Variants in ADGRV1 observed in about 807,000 individuals in gnomAD.
The protein encoded by ADGRV1 is G-protein coupled receptor 98.
A neutral mutation model predicts 596.2 loss-of-function variants in ADGRV1; 359 were observed. The ratio of observed to expected loss-of-function variants is 0.60; its 90% CI spans 0.55 to 0.66. ADGRV1 has a LOEUF of 0.66. ADGRV1 is among the 30% of genes least tolerant of loss of function. The probability of loss-of-function intolerance (pLI) is 0.00; values close to 1 mark genes in which losing one functional copy is unlikely to be tolerated. For missense variants in ADGRV1, 7,274 were observed against 7,575.6 expected, an observed-to-expected ratio of 0.96 and a Z score of 1.48; for synonymous variants, 2,681 against 2,679.2, an observed-to-expected ratio of 1.00 and a Z score of -0.02.
At chr5:90,630,698 T>C (rs1765389375) in intron 9 of ADGRV1, among the ~76,000 whole-genome samples, 1 of 152,222 alleles carries the variant, frequency 6.6e-6, no homozygotes, top group Non-Finnish European at 1.5e-5. Context: ...ACTAATTTCT[T>C]TGAATCATGC....
chr5:90,722,203 G>A (rs1751133869), intron 45 of ADGRV1, among the ~76,000 whole-genome samples: 1 of 152,086 alleles, frequency 6.6e-6, no homozygotes, highest in African/African-American at 2.4e-5. Context: ...CTTAGACTAG[G>A]TGTTGAGTAT....
At chr5:90,603,217 C>A (rs1169319727) in intron 1 of ADGRV1, among the ~76,000 whole-genome samples, 1 of 152,186 alleles carries the variant, frequency 6.6e-6, no homozygotes, top group African/African-American at 2.4e-5. Context: ...TCAGAAGCCC[C>A]AACATTTTGT....
intron 87 of ADGRV1, among the ~76,000 whole-genome samples, chr5:91,139,160 G>A (rs1219240537): frequency 6.6e-6 from 1 of 152,224 alleles, no homozygotes; most frequent in African/African-American, 2.4e-5. Context: ...GCACATTTCT[G>A]TAAGAGTCTA....
intron 78 of ADGRV1, 72 bp downstream of exon 78, chr5:90,841,057 A>G (rs1765384455): frequency 9.8e-7 from 1 of 1,021,426 alleles, no homozygotes; most frequent in African/African-American, 1.6e-5. Flanking sequence ...TAAAACCAAA[A>G]TCACATTCTC....
intron 60 of ADGRV1, among the ~76,000 whole-genome samples, chr5:90,775,758 A>G (rs1758159210): frequency 6.6e-6 from 1 of 152,102 alleles, no homozygotes; most frequent in Non-Finnish European, 1.5e-5. Flanking sequence ...GATTACAGGT[A>G]TGATCCACTG....
chr5:90,653,032 T>C (rs1397854809), intron 19 of ADGRV1, among the ~76,000 whole-genome samples, 177 bp from the exon 20 acceptor site: 1 of 152,254 alleles, frequency 6.6e-6, no homozygotes, highest in Non-Finnish European at 1.5e-5. Context: ...GAACAAATAT[T>C]ATTTCATATC....
intron 43 of ADGRV1, 60 bp from the exon 44 acceptor site, chr5:90,719,988 T>C: frequency 7.6e-7 from 1 of 1,319,604 alleles, no homozygotes; most frequent in Non-Finnish European, 1.1e-6. Flanking sequence ...TAGATTTCGC[T>C]ATATATGTGT....
intron 59 of ADGRV1, among the ~76,000 whole-genome samples, chr5:90,773,535 C>A (rs564458812): frequency 6.6e-6 from 1 of 152,134 alleles, no homozygotes; most frequent in South Asian, 2.1e-4. Context: ...ATAGATTCAG[C>A]AAGAAACAAG....
chr5:90,820,754 T>A (rs1037431449), intron 75 of ADGRV1, among the ~76,000 whole-genome samples: 31 of 151,882 alleles, frequency 2.0e-4, no homozygotes, highest in Admixed American at 8.5e-4. Flanking sequence ...CCCACTCTCT[T>A]CTGGCTTGTA....
intron 45 of ADGRV1, 21 bp from the exon 46 acceptor site, chr5:90,724,811 A>G: frequency 1.2e-6 from 2 of 1,610,422 alleles, no homozygotes; most frequent in Non-Finnish European, 1.7e-6. Flanking sequence ...AAACTAGTAA[A>G]CCATGATTTG....
chr5:91,030,137 A>G (rs976744513), intron 85 of ADGRV1, among the ~76,000 whole-genome samples: 1 of 152,104 alleles, frequency 6.6e-6, no homozygotes, highest in African/African-American at 2.4e-5. Context: ...CACCAACACC[A>G]TACTCTTTTA....
intron 85 of ADGRV1, among the ~76,000 whole-genome samples, chr5:91,053,842 A>G (rs541216514): frequency 1.7e-4 from 26 of 152,214 alleles, no homozygotes; most frequent in Non-Finnish European, 3.7e-4. Flanking sequence ...CCAGCTCAGG[A>G]AGCATGTCTT....
intron 43 of ADGRV1, 141 bp from the exon 44 acceptor site, chr5:90,719,907 A>G: frequency 3.0e-6 from 2 of 660,246 alleles, no homozygotes; most frequent in Admixed American, 5.3e-5. Flanking sequence ...ATCACATTAT[A>G]GGAATCAGTA....
chr5:90,724,316 G>A (rs928841027), intron 45 of ADGRV1, among the ~76,000 whole-genome samples: 2 of 152,048 alleles, frequency 1.3e-5, no homozygotes, highest in Admixed American at 6.6e-5. Context: ...TACAACCTCC[G>A]CCTCCCGGGT....
intron 15 of ADGRV1, 87 bp downstream of exon 15, chr5:90,644,956 AT>A: frequency 2.1e-6 from 2 of 954,450 alleles, no homozygotes; most frequent in East Asian, 5.7e-5. Context: ...CTGGTAATAT[AT>A]TTTGTGATAA....
At position 90,778,883 on chromosome 5, in the gene ADGRV1, C is replaced by T. The variant is rs775861115; in HGVS notation, c.12868C>T (p.Arg4290Cys). Residue 4290 changes from arginine (R) to cysteine (C), a missense_variant, in exon 64 of 90, where the codon CGT (arginine) becomes TGT (cysteine). Coordinates refer to ENST00000405460, the MANE Select transcript of ADGRV1 (RefSeq NM_032119.4). ...TGCATAGGTTAACATCACAATCATCCGTTCCAGTGGAGATTTTGGCCATGT... is the reference window on the plus strand; with the variant it reads ...TGCATAGGTTAACATCACAATCATCTGTTCCAGTGGAGATTTTGGCCATGT... Reference protein sequence around the residue: ...EAQRVNITIIRSSGDFGHVRL... With the variant: ...EAQRVNITIICSSGDFGHVRL... The T allele has an allele frequency of 6.2e-6, 10 of 1,611,376 alleles. No homozygotes were observed. The highest frequency in any genetic ancestry group is 1.3e-5 in the African/African-American group (1 of 74,830).
intron 85 of ADGRV1, among the ~76,000 whole-genome samples, chr5:91,035,490 A>T (rs1430896873): frequency 6.6e-6 from 1 of 152,134 alleles, no homozygotes; most frequent in Admixed American, 6.5e-5. Flanking sequence ...ATGCTTTGAT[A>T]TTACTAACTT....
chr5:90,930,328 A>G (rs1360859169), intron 83 of ADGRV1, among the ~76,000 whole-genome samples: 1 of 152,186 alleles, frequency 6.6e-6, no homozygotes, highest in Non-Finnish European at 1.5e-5. Context: ...GCAAACTCCA[A>G]ATAAGAAACA....
intron 87 of ADGRV1, among the ~76,000 whole-genome samples, chr5:91,129,801 A>G (rs1392885540): frequency 2.6e-5 from 4 of 152,200 alleles, no homozygotes; most frequent in Non-Finnish European, 5.9e-5. Flanking sequence ...GATTCTGCAG[A>G]AGAGGAAATT....
Sources: allele counts gnomAD v4.1 joint callset (sites outside exome capture counted in the v4.1 genomes callset), GRCh38; gene constraint gnomAD v4.1.1; transcripts MANE v1.5; gene names NCBI Gene and HGNC (gene_info 2026-07-23, HGNC 2026-07-21).